Variants in CCNY observed in about 807,000 individuals in gnomAD.
CCNY encodes cyclin Y, also known as cyclin-Y.
In CCNY, 19 loss-of-function variants were observed where a neutral mutation model predicts 42.8. That is an observed-to-expected ratio of 0.44 (90% CI 0.31 to 0.65). The LOEUF (loss-of-function observed/expected upper bound fraction) is 0.65. Among genes scored for constraint, CCNY ranks in the 30% least tolerant of loss-of-function variants. CCNY has a pLI of 0.07. For missense variants in CCNY, 370 were observed against 437.3 expected (o/e 0.85, Z 1.37); for synonymous variants, 165 against 162.7 (o/e 1.01, Z -0.11).
chr10:35,274,870 C>A (rs1835219150), intron 3 of CCNY, among the ~76,000 whole-genome samples: 1 of 152,098 alleles, frequency 6.6e-6, no homozygotes, highest in Non-Finnish European at 1.5e-5. Context: ...ACAGCAGCTG[C>A]TGCTGGGGCT....
chr10:35,440,032 G>T (rs993378645), intron 1 of CCNY, among the ~76,000 whole-genome samples: 5 of 152,124 alleles, frequency 3.3e-5, no homozygotes, highest in Non-Finnish European at 5.9e-5. Context: ...AGAGGTGTTG[G>T]GGCATCTCAT....
chr10:35,366,225 T>C (rs1390896853), intron 1 of CCNY, among the ~76,000 whole-genome samples: 2 of 152,268 alleles, frequency 1.3e-5, no homozygotes, highest in Admixed American at 1.3e-4. Context: ...TTTGTTTCCT[T>C]GATGAGATGG....
intron 5 of CCNY, among the ~76,000 whole-genome samples, chr10:35,528,871 A>G (rs1212109395): frequency 1.3e-5 from 2 of 152,210 alleles, no homozygotes; most frequent in Non-Finnish European, 2.9e-5. Context: ...TGTGTTAGGG[A>G]CAGGTCTGTA....
At chr10:35,520,103 G>A (rs1840518160) in intron 4 of CCNY, among the ~76,000 whole-genome samples, 2 of 152,156 alleles carry the variant, frequency 1.3e-5, no homozygotes, top group Non-Finnish European at 2.9e-5. Flanking sequence ...TGGGAGCTGG[G>A]CAGGGTGGGA....
chr10:35,270,433 T>G (rs1565059016), intron 3 of CCNY, among the ~76,000 whole-genome samples: 1 of 152,228 alleles, frequency 6.6e-6, no homozygotes, highest in Non-Finnish European at 1.5e-5. Flanking sequence ...CCTCCATGAC[T>G]CACATCCAGT....
At chr10:35,302,995 A>T (rs1287630886) in intron 3 of CCNY, among the ~76,000 whole-genome samples, 1 of 152,136 alleles carries the variant, frequency 6.6e-6, no homozygotes, top group Non-Finnish European at 1.5e-5. Flanking sequence ...CAGGAATTCC[A>T]GACCAGCTTG....
At chr10:35,516,659 T>TA in intron 4 of CCNY, 36 bp downstream of exon 4, 6 of 816,372 alleles carry the variant, frequency 7.3e-6, no homozygotes, top group East Asian at 3.0e-5. Context: ...CTTCCTTCCT[T>TA]CCTTTTTTTT....
At chr10:35,407,081 A>G (rs1837796113) in intron 1 of CCNY, among the ~76,000 whole-genome samples, 1 of 152,210 alleles carries the variant, frequency 6.6e-6, no homozygotes, top group Non-Finnish European at 1.5e-5. Flanking sequence ...AAGAACCTAA[A>G]TGCTAACTGA....
intron 3 of CCNY, among the ~76,000 whole-genome samples, chr10:35,282,822 G>A (rs76301867): frequency 3.9e-5 from 6 of 152,078 alleles, no homozygotes; most frequent in Non-Finnish European, 8.8e-5. Context: ...ATGAAGAAGA[G>A]CCTATTGCCA....
At chr10:35,488,746 A>G (rs1375593879) in intron 2 of CCNY, among the ~76,000 whole-genome samples, 1 of 152,234 alleles carries the variant, frequency 6.6e-6, no homozygotes, top group Non-Finnish European at 1.5e-5. Flanking sequence ...ATATTTTAAA[A>G]TAAACTGGCC....
intron 1 of CCNY, among the ~76,000 whole-genome samples, chr10:35,422,216 TTATTC>T (rs1306312088): frequency 6.6e-6 from 1 of 152,224 alleles, no homozygotes; most frequent in Non-Finnish European, 1.5e-5. Context: ...CAATAAAACA[TTATTC>T]TATATTCTTG....
chr10:35,433,793 G>T (rs1016438570), intron 1 of CCNY, among the ~76,000 whole-genome samples: 1 of 152,180 alleles, frequency 6.6e-6, no homozygotes, highest in African/African-American at 2.4e-5. Flanking sequence ...ATTTTTAGTA[G>T]AGATAGAGTT....
chr10:35,410,545 G>A (rs559657257), intron 1 of CCNY, among the ~76,000 whole-genome samples: 1 of 152,302 alleles, frequency 6.6e-6, no homozygotes, highest in Non-Finnish European at 1.5e-5. Flanking sequence ...AAAAAGGGAG[G>A]AAAGAGTTTC....
intron 3 of CCNY, among the ~76,000 whole-genome samples, chr10:35,318,743 T>C (rs1416938350): frequency 6.6e-6 from 1 of 151,490 alleles, no homozygotes; most frequent in African/African-American, 2.4e-5. Context: ...GGTAGAACAA[T>C]AATGATGATT....
chr10:35,480,416 C>T (rs915954727), intron 1 of CCNY, among the ~76,000 whole-genome samples: 3 of 152,072 alleles, frequency 2.0e-5, no homozygotes, highest in East Asian at 1.9e-4. Flanking sequence ...CGGAGAGGCA[C>T]GGGCTGCTGG....
chr10:35,280,241 C>T (rs560833869), intron 3 of CCNY, among the ~76,000 whole-genome samples: 1 of 152,066 alleles, frequency 6.6e-6, no homozygotes, highest in Non-Finnish European at 1.5e-5. Flanking sequence ...GCAGGAGAAT[C>T]GCTTGAACCT....
At chr10:35,462,708 G>A (rs182515350) in intron 1 of CCNY, among the ~76,000 whole-genome samples, 21 of 152,292 alleles carry the variant, frequency 1.4e-4, no homozygotes, top group African/African-American at 4.8e-4. Context: ...GGCTGGTGCT[G>A]GATTGGAAAG....
At chr10:35,287,876 G>A (rs1835372506) in intron 3 of CCNY, among the ~76,000 whole-genome samples, 2 of 151,872 alleles carry the variant, frequency 1.3e-5, no homozygotes, top group Admixed American at 1.3e-4. Flanking sequence ...CGCTGCTCTC[G>A]AACTCCTGAC....
chr10:35,438,327 A>T (rs867478056), intron 1 of CCNY, among the ~76,000 whole-genome samples: 16 of 148,466 alleles, frequency 1.1e-4, no homozygotes, highest in Admixed American at 2.0e-4. Context: ...TAAAAAAAAA[A>T]TTTTTTTTTT....
Sources: gnomAD v4.1 joint callset for allele counts (sites outside exome capture counted in the v4.1 genomes callset) on GRCh38, gnomAD v4.1.1 for gene constraint, MANE v1.5 for transcripts, NCBI Gene and HGNC (gene_info 2026-07-23, HGNC 2026-07-21) for gene names.